MAST4: variants seen among roughly 807,000 people sequenced by gnomAD.
MAST4 encodes microtubule-associated serine/threonine-protein kinase 4.
MAST4 carries 89 observed loss-of-function variants against 162.7 expected under a neutral mutation model. The ratio of observed to expected loss-of-function variants is 0.55; its 90% confidence interval spans 0.46 to 0.65. MAST4 has a LOEUF of 0.65. Ranked by LOEUF, MAST4 falls within the 30% of genes least tolerant of loss-of-function variation. The pLI is 0.00. For synonymous variants in MAST4, 1,479 were observed against 1,361.1 expected (o/e 1.09, Z -1.91); for missense variants, 3,153 against 3,374.0 (o/e 0.93, Z 1.62).
intron 3 of MAST4, among the ~76,000 whole-genome samples, chr5:66,830,388 C>A (rs1456246903): frequency 6.6e-6 from 1 of 151,984 alleles, no homozygotes; most frequent in Non-Finnish European, 1.5e-5. Context: ...ATAAAGGAAT[C>A]ATTATTTTTC....
At chr5:66,627,939 C>T (rs903023404) in intron 1 of MAST4, among the ~76,000 whole-genome samples, 6 of 152,032 alleles carry the variant, frequency 3.9e-5, no homozygotes, top group Admixed American at 2.6e-4. Flanking sequence ...CTGCCCCCCA[C>T]CCCACCCCTA....
At chr5:66,848,588 A>G (rs371955109) in intron 3 of MAST4, among the ~76,000 whole-genome samples, 5 of 152,280 alleles carry the variant, frequency 3.3e-5, no homozygotes, top group African/African-American at 1.2e-4. Flanking sequence ...AAAGCTTTAT[A>G]TTGTTATTGC....
At chr5:66,949,836 T>C (rs1462794609) in intron 4 of MAST4, among the ~76,000 whole-genome samples, 2 of 152,206 alleles carry the variant, frequency 1.3e-5, no homozygotes, top group Admixed American at 6.6e-5. Context: ...TGTGTATGTG[T>C]GTATTCTTAT....
chr5:67,158,498 G>C (rs1772810671), intron 26 of MAST4, among the ~76,000 whole-genome samples: 1 of 151,966 alleles, frequency 6.6e-6, no homozygotes, highest in Admixed American at 6.6e-5. Context: ...TTGAGCCCAG[G>C]AGTTCGAGGC....
At chr5:66,783,806 A>G (rs552102371) in intron 2 of MAST4, among the ~76,000 whole-genome samples, 29 of 152,242 alleles carry the variant, frequency 1.9e-4, no homozygotes, top group Non-Finnish European at 2.9e-4. Flanking sequence ...AAACTGCAGT[A>G]TTGAAAGCGT....
Position 67,164,072 on chromosome 5 carries a change from G to T in MAST4, c.4893G>T (p.Gln1631His). 6.4e-7 allele frequency: 1 copy of T among 1,569,650 alleles called. No individual in the cohort carries two copies. The highest frequency in any genetic ancestry group is 2.3e-5 in the East Asian group (1 of 42,918). The change falls in exon 29 of 29, where the codon CAG becomes CAT. Residue 1631 changes from glutamine (Q) to histidine (H), a missense_variant. Around this residue, in one of 7 missense-constraint regions of MAST4, gnomAD observed 1,644 missense variants for 1,495.0 expected, o/e 1.10. Coordinates refer to ENST00000403625, the MANE Select transcript of MAST4 (RefSeq NM_001164664.2). The surrounding 1 kb of genome is among the most constrained non-coding windows in gnomAD (Gnocchi z 5.3). ...SDGRVPAEHR[Q>H]GGGDFRRAPA... ...GCCGGGTGCCTGCGGAGCACCGCCA[G>T]GGTGGCGGGGACTTCAGACGGGCCC... is the stretch of plus-strand genomic sequence containing the variant.
intron 4 of MAST4, chr5:66,902,875 C>T (rs1441244480): frequency 6.0e-6 from 2 of 335,478 alleles, no homozygotes; most frequent in Non-Finnish European, 1.2e-5. Flanking sequence ...TACTTTCCCC[C>T]TCATTCTCCT....
intron 16 of MAST4, 52 bp downstream of exon 16, chr5:67,132,003 G>T: frequency 1.9e-6 from 3 of 1,555,770 alleles, no homozygotes; most frequent in Non-Finnish European, 2.6e-6. Context: ...CAAAGTTCTC[G>T]TATGTTTATA....
intron 4 of MAST4, among the ~76,000 whole-genome samples, chr5:67,024,859 C>A (rs1239721747): frequency 1.3e-5 from 2 of 150,964 alleles, no homozygotes; most frequent in Non-Finnish European, 2.9e-5. Flanking sequence ...TAGCTAAGGT[C>A]ATCTGGAATG....
At chr5:66,785,754 A>T (rs1755083839) in intron 2 of MAST4, among the ~76,000 whole-genome samples, 1 of 152,212 alleles carries the variant, frequency 6.6e-6, no homozygotes, top group Non-Finnish European at 1.5e-5. Context: ...TTGAGCATTT[A>T]CTAAGTGCCA....
intron 4 of MAST4, among the ~76,000 whole-genome samples, chr5:66,949,140 T>A: frequency 6.6e-6 from 1 of 152,298 alleles, no homozygotes; most frequent in East Asian, 1.9e-4. Flanking sequence ...TCAAACAACT[T>A]GTCCATACTA....
At chr5:66,628,411 G>A (rs1470183728) in intron 1 of MAST4, among the ~76,000 whole-genome samples, 1 of 151,456 alleles carries the variant, frequency 6.6e-6, no homozygotes, top group African/African-American at 2.4e-5. Flanking sequence ...AAAGATGTAG[G>A]GGGAAAATGC....
intron 10 of MAST4, among the ~76,000 whole-genome samples, chr5:67,108,200 C>G (rs944578549): frequency 6.6e-6 from 1 of 152,142 alleles, no homozygotes; most frequent in Non-Finnish European, 1.5e-5. Flanking sequence ...TATTAAGACA[C>G]AAAATTCTCA....
intron 1 of MAST4, among the ~76,000 whole-genome samples, chr5:66,693,349 A>G (rs1339277487): frequency 6.6e-6 from 1 of 152,260 alleles, no homozygotes; most frequent in Admixed American, 6.5e-5. Context: ...TGGAAGTTTT[A>G]TAGGTACAAC....
chr5:66,907,891 AT>A (rs1337603675), intron 4 of MAST4, among the ~76,000 whole-genome samples: 1 of 152,210 alleles, frequency 6.6e-6, no homozygotes, highest in Admixed American at 6.5e-5. Flanking sequence ...ATTTGAATAA[AT>A]TTTAAAATAA....
chr5:66,615,272 G>A (rs144742192), intron 1 of MAST4, among the ~76,000 whole-genome samples: 2 of 152,286 alleles, frequency 1.3e-5, no homozygotes, highest in Non-Finnish European at 2.9e-5. Context: ...GGCAGCATGA[G>A]GCAACAGAGG....
chr5:66,978,547 A>G (rs1435638299), intron 4 of MAST4, among the ~76,000 whole-genome samples: 2 of 152,238 alleles, frequency 1.3e-5, no homozygotes, highest in Non-Finnish European at 2.9e-5. Flanking sequence ...TGAATGCTAC[A>G]TGAGTGGTAC....
chr5:66,745,087 C>A (rs1261484437), intron 1 of MAST4, among the ~76,000 whole-genome samples: 1 of 152,132 alleles, frequency 6.6e-6, no homozygotes, highest in Non-Finnish European at 1.5e-5. Context: ...TGACCAAGAT[C>A]CTGTGAGTAG....
At chr5:66,767,890 G>C (rs368693455) in intron 2 of MAST4, among the ~76,000 whole-genome samples, 7 of 152,118 alleles carry the variant, frequency 4.6e-5, no homozygotes, top group Admixed American at 3.9e-4. Context: ...TATCCACCCA[G>C]ATTAAGGGTG....
Sources: allele counts gnomAD v4.1 joint callset (sites outside exome capture counted in the v4.1 genomes callset), GRCh38; gene constraint gnomAD v4.1.1; regional missense constraint gnomAD v4.1.1; non-coding constraint Gnocchi (gnomAD v3.1); transcripts MANE v1.5; gene names NCBI Gene and HGNC (gene_info 2026-07-23, HGNC 2026-07-21).